The following ZNF337 variants were observed in gnomAD, a reference collection of about 807,000 sequenced individuals.
ZNF337 encodes zinc finger protein 337.
Under a neutral mutation model 12.1 loss-of-function variants are expected in ZNF337, and 8 were observed. That is an observed-to-expected ratio of 0.66 (90% CI 0.39 to 1.19). The LOEUF is 1.19. Ranked by LOEUF, ZNF337 falls within the 50% of genes most tolerant of loss-of-function variation. The pLI is 0.01. For synonymous variants in ZNF337, 336 were observed against 320.0 expected, an observed-to-expected ratio of 1.05 and a Z score of -0.53; for missense variants, 882 against 896.6, an observed-to-expected ratio of 0.98 and a Z score of 0.21.
chr20:25,674,966 TAAAGCTTGTAACA>T lies in ZNF337; in HGVS notation c.*53_*65del. 1 of 1,463,626 alleles carries T rather than the reference TAAAGCTTGTAACA, an allele frequency of 6.8e-7. No homozygotes were observed. The allele number at this position is 1,463,626 out of a possible 1,614,324, so 90.7% of individuals were successfully genotyped here. On this transcript the variant is annotated 3_prime_UTR_variant, in exon 5 of 5. Transcript: ENST00000252979. ...CACGAACAAGTTATGCAGCCTCAAC[TAAAGCTTGTAACA>T]AAGCAAAGTTACTCTCCTGAGTGTG...
intron 4 of ZNF337, among the ~76,000 whole-genome samples, chr20:25,683,122 G>A (rs2065786912): frequency 6.6e-6 from 1 of 152,152 alleles, no homozygotes; most frequent in Non-Finnish European, 1.5e-5. Flanking sequence ...CCACTGTGAG[G>A]AGTGAGGAAA....
chr20:25,677,275 CAG>C (rs2065711581), intron 4 of ZNF337: 1 of 429,910 alleles, frequency 2.3e-6, no homozygotes, highest in South Asian at 5.5e-5. Context: ...ACAGCAAAAA[CAG>C]AGAACTACAG....
intron 1 of ZNF337, among the ~76,000 whole-genome samples, chr20:25,695,269 T>TAAAAAC (rs147142965): frequency 2.6e-5 from 4 of 152,180 alleles, no homozygotes; most frequent in African/African-American, 4.8e-5. Context: ...AGACTCTCTC[T>TAAAAAC]AAAAACAAAA....
chr20:25,683,355 TG>T (rs910659193), intron 4 of ZNF337, among the ~76,000 whole-genome samples: 11 of 151,670 alleles, frequency 7.3e-5, no homozygotes, highest in African/African-American at 2.7e-4. Flanking sequence ...GCAGTACATC[TG>T]GGGGAAATGG....
chr20:25,675,699 T>C lies in ZNF337; in HGVS notation c.1589A>G (p.Asn530Ser), dbSNP rs1441164614. ...DCGRGFTLKP[N>S]LTIHQRTHSG... is the part of the protein sequence containing the mutation. ...GTGTGTCCTCTGATGTATGGTGAGA[T>C]TTGGCTTCAAGGTAAAGCCTCGCCC... The change falls in exon 5 of 5, where the codon AAT becomes AGT. Residue 530 changes from asparagine (N) to serine (S), a missense_variant. Physicochemically the swap from Asn to Ser is conservative, Grantham distance 46. Coordinates refer to ENST00000252979, the MANE Select transcript of ZNF337 (RefSeq NM_015655.4). 1 of 1,612,592 alleles carries C rather than the reference T, an allele frequency of 6.2e-7. No individual in the cohort carries two copies. The highest frequency in any genetic ancestry group is 8.5e-7 in the Non-Finnish European group (1 of 1,179,582).
intron 1 of ZNF337, among the ~76,000 whole-genome samples, chr20:25,687,547 G>A (rs934940411): frequency 1.3e-5 from 2 of 152,224 alleles, no homozygotes; most frequent in Admixed American, 6.5e-5. Context: ...CCACTAGCCA[G>A]TAACTTTGAG....
intron 4 of ZNF337, 125 bp downstream of exon 4, chr20:25,685,442 C>T: frequency 2.8e-6 from 2 of 723,318 alleles, no homozygotes; most frequent in Non-Finnish European, 4.7e-6. Context: ...GAAGGCAGGG[C>T]CAGGTGGTCT....
chr20:25,694,693 C>T (rs979416373), intron 1 of ZNF337, among the ~76,000 whole-genome samples: 8 of 152,048 alleles, frequency 5.3e-5, no homozygotes, highest in Admixed American at 5.2e-4. Flanking sequence ...GAATCCTGCC[C>T]GAGAAACCAT....
chr20:25,676,065 T>A lies in ZNF337; in HGVS notation c.1223A>T (p.Asp408Val). The A allele has an allele frequency of 1.2e-6, 2 of 1,614,184 alleles. No homozygotes were observed. The highest frequency in any genetic ancestry group is 1.7e-6 in the Non-Finnish European group (2 of 1,180,026). The change falls in exon 5 of 5, where the codon GAT becomes GTT. Residue 408 changes from aspartate to valine, a missense_variant. Coordinates refer to ENST00000252979, the MANE Select transcript of ZNF337 (RefSeq NM_015655.4). ...CTTTTGGCTAAAGCTTCGCTCACAA[T>A]CCTTGCACACAAAAGGCTTCTCCCC... ...HSGEKPFVCK[D>V]CERSFSQKST...
chr20:25,680,369 T>C (rs1440156579), intron 4 of ZNF337, among the ~76,000 whole-genome samples: 1 of 152,106 alleles, frequency 6.6e-6, no homozygotes, highest in East Asian at 1.9e-4. Context: ...ACTCCATAAA[T>C]AATGTACAAT....
chr20:25,695,787 A>G (rs2065918578), intron 1 of ZNF337, among the ~76,000 whole-genome samples: 1 of 152,066 alleles, frequency 6.6e-6, no homozygotes, highest in African/African-American at 2.4e-5. Flanking sequence ...CTGGCCTCCC[A>G]AAGTGCTGGG....
Position 25,689,018 on chromosome 20 carries a change from T to C in ZNF337, c.-49-2552A>G, listed in dbSNP as rs191019868. Among the ~76,000 whole-genome samples, 1,412 of 151,262 alleles carry C rather than the reference T, an allele frequency of 9.3e-3. 21 individuals carry two copies. The highest frequency in any genetic ancestry group is 0.03 in the African/African-American group (1,218 of 41,066). ...CCGGGAGTGGTGGCGGCGCCTGTAGTCCCAGCTACTCGGGAGGCTGAGGCA... is the reference window on the plus strand; with the variant it reads ...CCGGGAGTGGTGGCGGCGCCTGTAGCCCCAGCTACTCGGGAGGCTGAGGCA... On this transcript the variant is annotated intron_variant, in intron 1 of 4. Coordinates refer to ENST00000252979, the MANE Select transcript of ZNF337 (RefSeq NM_015655.4).
chr20:25,681,230 T>C (rs1233561686), intron 4 of ZNF337: 2 of 152,200 alleles, frequency 1.3e-5, no homozygotes, highest in African/African-American at 4.8e-5. Flanking sequence ...ACGAAATAAA[T>C]GTCTGTTGTT....
chr20:25,695,269 TAAAAAC>T (rs147142965), intron 1 of ZNF337, among the ~76,000 whole-genome samples: 4,512 of 152,162 alleles, frequency 0.03, 218 homozygotes, highest in African/African-American at 0.1. Flanking sequence ...AGACTCTCTC[TAAAAAC>T]AAAAACAAAA....
At chr20:25,689,630 T>A (rs1278993565) in intron 1 of ZNF337, among the ~76,000 whole-genome samples, 1 of 152,198 alleles carries the variant, frequency 6.6e-6, no homozygotes, top group East Asian at 1.9e-4. Context: ...CAACACTGAT[T>A]AAAAATCCTC....
intron 1 of ZNF337, among the ~76,000 whole-genome samples, chr20:25,689,103 C>T (rs896687601): frequency 1.3e-5 from 2 of 148,710 alleles, no homozygotes; most frequent in East Asian, 3.9e-4. Flanking sequence ...CGCCACTGCG[C>T]TCCAGCCTGA....
At position 25,696,810 on chromosome 20, in the gene ZNF337, G is replaced by T. The variant is rs906775067; in HGVS notation, c.-101C>A. ...GGTGAGGTCACCGATGGTGGACCAC[G>T]CATCTCACGGCTCGCTGACGCCCAG... On this transcript the variant is annotated 5_prime_UTR_variant, in exon 1 of 5. Transcript: ENST00000252979. 4 of 985,402 alleles carry T rather than the reference G, an allele frequency of 4.1e-6. No homozygotes were observed. The highest frequency in any genetic ancestry group is 1.2e-4 in the Admixed American group (2 of 16,274). 61.0% of individuals were successfully genotyped at this position (985,402 alleles called of 1,614,324 possible).
intron 4 of ZNF337, among the ~76,000 whole-genome samples, chr20:25,683,215 A>G (rs1023349345): frequency 1.4e-5 from 2 of 143,424 alleles, no homozygotes; most frequent in African/African-American, 5.4e-5. Context: ...GAACAAGTCC[A>G]CCCTAGAGGT....
In ZNF337 at chr20:25,686,062, TCAG is replaced by T. The variant is rs1448982578; in HGVS notation, c.85_87del (p.Leu29del). 6.2e-7 allele frequency: 1 copy of T among 1,614,130 alleles called. No homozygotes were observed. Among genetic ancestry groups the T allele is most frequent in the East Asian group, 2.2e-5 (1 of 44,876 alleles). On this transcript the variant is annotated inframe_deletion, in exon 3 of 5. Transcript: ENST00000252979. ...CTGTACAGGGCCCTCTGAGCAGGGC[TCAG>T]CAGCCTCCATTCCTTCTGGGTGAAA...
Sources: gnomAD v4.1 joint callset for allele counts (sites outside exome capture counted in the v4.1 genomes callset) on GRCh38, gnomAD v4.1.1 for gene constraint, MANE v1.5 for transcripts, NCBI Gene and HGNC (gene_info 2026-07-23, HGNC 2026-07-21) for gene names.